Variants in SH3GL2 observed in about 807,000 individuals in gnomAD.
The protein encoded by SH3GL2 is SH3 domain containing GRB2 like 2, endophilin A1, also known as endophilin-A1.
In SH3GL2, 24 loss-of-function variants were observed where a neutral mutation model predicts 46.0. The observed-to-expected ratio is 0.52, with a 90% CI of 0.38 to 0.73. SH3GL2 has a LOEUF of 0.73. Ranked by LOEUF, SH3GL2 falls within the 30% of genes least tolerant of loss-of-function variation. The pLI, the probability that SH3GL2 is intolerant of heterozygous loss-of-function variation, is 0.00. For synonymous variants in SH3GL2, 196 were observed against 147.1 expected, an observed-to-expected ratio of 1.33 and a Z score of -2.40; for missense variants, 413 against 424.2, an observed-to-expected ratio of 0.97 and a Z score of 0.23.
intron 1 of SH3GL2, among the ~76,000 whole-genome samples, chr9:17,620,984 T>C (rs1819125194): frequency 6.6e-6 from 1 of 152,186 alleles, no homozygotes; most frequent in South Asian, 2.1e-4. Flanking sequence ...TAAAAAATAC[T>C]TATAATGTGT....
At chr9:17,756,653 A>G (rs1822998944) in intron 2 of SH3GL2, among the ~76,000 whole-genome samples, 1 of 151,454 alleles carries the variant, frequency 6.6e-6, no homozygotes, top group Non-Finnish European at 1.5e-5. Flanking sequence ...AAGGACATGA[A>G]CTCATCATTT....
At chr9:17,699,146 T>C (rs1261522584) in intron 1 of SH3GL2, among the ~76,000 whole-genome samples, 4 of 99,538 alleles carry the variant, frequency 4.0e-5, no homozygotes, top group Non-Finnish European at 7.3e-5. Context: ...AGAGTGAGAC[T>C]CTGTCTCAAA....
chr9:17,580,802 T>C (rs1563770259), intron 1 of SH3GL2, among the ~76,000 whole-genome samples: 2 of 152,236 alleles, frequency 1.3e-5, no homozygotes, highest in South Asian at 2.1e-4. Flanking sequence ...ATTGCTCTAC[T>C]GGTCACTTCT....
chr9:17,679,783 A>C (rs1820719994), intron 1 of SH3GL2, among the ~76,000 whole-genome samples: 1 of 152,072 alleles, frequency 6.6e-6, no homozygotes, highest in South Asian at 2.1e-4. Context: ...AATAGCTCTT[A>C]TTATTTTGAG....
intron 1 of SH3GL2, among the ~76,000 whole-genome samples, chr9:17,656,693 A>G (rs1820084971): frequency 1.3e-5 from 2 of 151,356 alleles, no homozygotes; most frequent in African/African-American, 4.9e-5. Flanking sequence ...TGCTTATTTA[A>G]AAAGAGGCGG....
chr9:17,595,884 A>G (rs1158589556), intron 1 of SH3GL2, among the ~76,000 whole-genome samples: 1 of 152,202 alleles, frequency 6.6e-6, no homozygotes, highest in East Asian at 1.9e-4. Context: ...TTGTTACAGT[A>G]AGATTATTTT....
chr9:17,673,960 G>A (rs917245816), intron 1 of SH3GL2, among the ~76,000 whole-genome samples: 5 of 152,004 alleles, frequency 3.3e-5, no homozygotes, highest in Non-Finnish European at 7.4e-5. Flanking sequence ...CCACTTTATT[G>A]AATTCATCTT....
chr9:17,614,356 A>T (rs1019807872), intron 1 of SH3GL2, among the ~76,000 whole-genome samples: 1 of 149,590 alleles, frequency 6.7e-6, no homozygotes, highest in Non-Finnish European at 1.5e-5. Flanking sequence ...AAATTAGCAT[A>T]GCTAGGCTAG....
chr9:17,606,638 A>T (rs991727237), intron 1 of SH3GL2, among the ~76,000 whole-genome samples: 3 of 152,206 alleles, frequency 2.0e-5, no homozygotes, highest in Non-Finnish European at 4.4e-5. Flanking sequence ...AAGTTTCTAC[A>T]GATTTACTTG....
intron 2 of SH3GL2, among the ~76,000 whole-genome samples, chr9:17,754,100 A>G (rs1362118714): frequency 6.6e-6 from 1 of 152,140 alleles, no homozygotes. Flanking sequence ...TATAGTTTGA[A>G]GTTGGATAGC....
chr9:17,765,652 C>G (rs1384509011), intron 3 of SH3GL2, among the ~76,000 whole-genome samples: 1 of 152,208 alleles, frequency 6.6e-6, no homozygotes, highest in African/African-American at 2.4e-5. Flanking sequence ...CCTTGCTAGG[C>G]TAACAGCTCC....
intron 1 of SH3GL2, among the ~76,000 whole-genome samples, chr9:17,637,546 C>T (rs1204761399): frequency 2.0e-5 from 3 of 152,206 alleles, no homozygotes; most frequent in Non-Finnish European, 4.4e-5. Flanking sequence ...GAATTCCACC[C>T]TGGCCTTCCT....
At chr9:17,743,776 ATTT>A (rs1435951416) in intron 1 of SH3GL2, among the ~76,000 whole-genome samples, 1 of 152,162 alleles carries the variant, frequency 6.6e-6, no homozygotes, top group Non-Finnish European at 1.5e-5. Flanking sequence ...ATCACTCTAT[ATTT>A]AACAGTATAG....
At chr9:17,711,694 T>G (rs1821629444) in intron 1 of SH3GL2, among the ~76,000 whole-genome samples, 1 of 151,858 alleles carries the variant, frequency 6.6e-6, no homozygotes, top group Non-Finnish European at 1.5e-5. Context: ...TATACCACAG[T>G]TTGTTTATCC....
intron 1 of SH3GL2, among the ~76,000 whole-genome samples, chr9:17,585,681 G>T (rs1182622680): frequency 2.0e-5 from 3 of 152,100 alleles, no homozygotes; most frequent in African/African-American, 7.2e-5. Context: ...TCTCAGTGCA[G>T]TTCACAGCTC....
chr9:17,641,478 A>T (rs1819680352), intron 1 of SH3GL2, among the ~76,000 whole-genome samples: 2 of 152,184 alleles, frequency 1.3e-5, no homozygotes. Context: ...TCTGGGATAC[A>T]TGTGGAGAAT....
At chr9:17,677,624 GTA>G (rs60772491) in intron 1 of SH3GL2, among the ~76,000 whole-genome samples, 3,313 of 147,034 alleles carry the variant, frequency 0.023, 83 homozygotes, top group African/African-American at 0.057. Context: ...AAATTGTATG[GTA>G]TATATATATA....
intron 1 of SH3GL2, among the ~76,000 whole-genome samples, chr9:17,643,882 G>C (rs893466419): frequency 1.3e-5 from 2 of 152,126 alleles, no homozygotes; most frequent in Admixed American, 6.5e-5. Context: ...TTTTTCTGTT[G>C]TTTGGAATAG....
chr9:17,693,000 G>C (rs1412747117), intron 1 of SH3GL2, among the ~76,000 whole-genome samples: 1 of 152,038 alleles, frequency 6.6e-6, no homozygotes, highest in African/African-American at 2.4e-5. Context: ...CCTCCCCCTG[G>C]GTCCCTCCCA....
Sources: allele counts gnomAD v4.1 joint callset (sites outside exome capture counted in the v4.1 genomes callset), GRCh38; gene constraint gnomAD v4.1.1; transcripts MANE v1.5; gene names NCBI Gene and HGNC (gene_info 2026-07-23, HGNC 2026-07-21).